Variants in PUDP observed in about 807,000 individuals in gnomAD.
The protein encoded by PUDP is pseudouridine 5'-phosphatase, also known as pseudouridine-5'-phosphatase.
PUDP carries 8 observed loss-of-function variants against 9.4 expected under a neutral mutation model. That is an observed-to-expected ratio of 0.85 (90% CI 0.50 to 1.53). PUDP has a LOEUF of 1.53. PUDP is among the 40% of genes most tolerant of loss of function. The pLI, the probability that PUDP is intolerant of heterozygous loss-of-function variation, is 0.00. For missense variants in PUDP, 188 were observed against 189.7 expected (o/e 0.99, Z 0.05); for synonymous variants, 99 against 80.7 (o/e 1.23, Z -1.22).
chrX:6,801,444 G>A (rs944637587), intron 3 of PUDP, among the ~76,000 whole-genome samples: 2 of 112,428 alleles, frequency 1.8e-5, no homozygotes, highest in Non-Finnish European at 1.9e-5. Context: ...GAGCAAAGGA[G>A]TAGGGTTCGG....
intron 3 of PUDP, among the ~76,000 whole-genome samples, chrX:6,795,413 CA>C (rs1362341574): frequency 9.0e-6 from 1 of 111,220 alleles, no homozygotes; most frequent in Non-Finnish European, 1.9e-5. Context: ...TAGCAGTAGG[CA>C]GAGCAGCCGT....
intron 3 of PUDP, among the ~76,000 whole-genome samples, chrX:6,811,104 G>T (rs895022825): frequency 1.3e-4 from 15 of 111,612 alleles, no homozygotes; most frequent in Admixed American, 2.9e-4. Context: ...TAGTCAAAAA[G>T]TCAGGCTTCG....
intron 3 of PUDP, among the ~76,000 whole-genome samples, chrX:6,837,543 G>A (rs183441489): frequency 1.8e-5 from 2 of 112,702 alleles, no homozygotes; most frequent in East Asian, 5.6e-4. Flanking sequence ...ATCCTGGAAG[G>A]GAGTTAGAAT....
chrX:7,110,740 GGTT>G (rs1312318694), intron 1 of PUDP, among the ~76,000 whole-genome samples: 2 of 99,443 alleles, frequency 2.0e-5, no homozygotes, highest in East Asian at 3.2e-4. Flanking sequence ...AGTTAAAGGG[GGTT>G]GTTCTCTTGC....
chrX:6,782,147 G>T lies in PUDP; in HGVS notation c.*248-75681C>A, dbSNP rs187634980. Among the ~76,000 whole-genome samples the T allele has an allele frequency of 6.3e-5, 7 of 111,889 alleles. No individual in the cohort carries two copies. The East Asian group carries it at 2.0e-3, about 31-fold the overall frequency. On this transcript the variant is annotated intron_variant and NMD_transcript_variant, in intron 3 of 3. Transcript: ENST00000655425. The stretch of plus-strand genomic sequence containing the variant: ...GACATAACTCCTGGAAACACGGATA[G>T]TATTGGGTGCTCCTGGGTTCATGCC...
chrX:6,964,051 A>T (rs986136522), intron 3 of PUDP, among the ~76,000 whole-genome samples: 1 of 112,203 alleles, frequency 8.9e-6, no homozygotes, highest in Non-Finnish European at 1.9e-5. Flanking sequence ...TTTTTCTAGA[A>T]GCATTCTAGG....
intron 1 of PUDP, among the ~76,000 whole-genome samples, chrX:6,994,679 T>A (rs1436376936): frequency 8.9e-6 from 1 of 111,807 alleles, no homozygotes; most frequent in Non-Finnish European, 1.9e-5. Flanking sequence ...CTTTCAGACA[T>A]AGTGAGATGT....
At chrX:6,927,934 C>T (rs1257631509) in intron 3 of PUDP, among the ~76,000 whole-genome samples, 1 of 104,388 alleles carries the variant, frequency 9.6e-6, no homozygotes, top group African/African-American at 3.4e-5. Context: ...AGACACTCAT[C>T]ATTCTTGGAA....
chrX:6,901,867 T>C, intron 3 of PUDP, among the ~76,000 whole-genome samples: 1 of 112,048 alleles, frequency 8.9e-6, no homozygotes, highest in Non-Finnish European at 1.9e-5. Flanking sequence ...TGAGAAATAC[T>C]CTTTTTTTGT....
chrX:6,765,167 C>G (rs775605346), intron 3 of PUDP, among the ~76,000 whole-genome samples: 1 of 110,395 alleles, frequency 9.1e-6, no homozygotes, highest in Admixed American at 9.7e-5. Flanking sequence ...GTAGTCCCAG[C>G]TACTTGGGAG....
chrX:7,069,256 C>A (rs939939061), intron 3 of PUDP, among the ~76,000 whole-genome samples: 1 of 111,164 alleles, frequency 9.0e-6, no homozygotes, highest in Non-Finnish European at 1.9e-5. Context: ...AAATGCCCCC[C>A]GAGGCGAGGT....
intron 1 of PUDP, among the ~76,000 whole-genome samples, chrX:7,033,269 T>C (rs913324070): frequency 1.5e-4 from 17 of 111,685 alleles, no homozygotes; most frequent in African/African-American, 5.5e-4. Context: ...AGCTTGCAGA[T>C]GGCCTATTGT....
intron 3 of PUDP, among the ~76,000 whole-genome samples, chrX:6,845,166 T>A (rs1021459103): frequency 1.8e-5 from 2 of 112,007 alleles, no homozygotes; most frequent in African/African-American, 6.5e-5. Context: ...ACACTTACAA[T>A]GAACCATTAC....
intron 3 of PUDP, among the ~76,000 whole-genome samples, chrX:6,973,668 G>T (rs191119287): frequency 8.9e-6 from 1 of 111,914 alleles, no homozygotes; most frequent in Admixed American, 9.5e-5. Flanking sequence ...GTGTTGAGAA[G>T]AATGTATATT....
chrX:6,897,929 A>C (rs2146749782), intron 3 of PUDP, among the ~76,000 whole-genome samples: 1 of 112,125 alleles, frequency 8.9e-6, no homozygotes, highest in South Asian at 3.7e-4. Flanking sequence ...AAAAGGGATT[A>C]TATTTGCACC....
At chrX:6,906,491 T>G (rs1366980908) in intron 3 of PUDP, among the ~76,000 whole-genome samples, 5 of 112,347 alleles carry the variant, frequency 4.5e-5, no homozygotes, top group African/African-American at 1.6e-4. Context: ...ATGTGCTCTG[T>G]GCAGAGGCCT....
intron 3 of PUDP, among the ~76,000 whole-genome samples, chrX:6,860,788 ACT>A (rs747821358): frequency 8.9e-6 from 1 of 112,174 alleles, no homozygotes; most frequent in East Asian, 2.8e-4. Context: ...TGTTCTTAAC[ACT>A]CTCATGTTCT....
At chrX:6,979,658 G>C (rs1346691232) in intron 1 of PUDP, among the ~76,000 whole-genome samples, 1 of 111,677 alleles carries the variant, frequency 9.0e-6, no homozygotes, top group African/African-American at 3.3e-5. Flanking sequence ...TTGATGCTAG[G>C]TCCCTGCAGA....
At chrX:6,910,305 T>C (rs541121693) in intron 3 of PUDP, among the ~76,000 whole-genome samples, 2 of 112,153 alleles carry the variant, frequency 1.8e-5, no homozygotes, top group African/African-American at 6.5e-5. Context: ...ATCTTTTTCA[T>C]TCAGCAGATT....
Sources: gnomAD v4.1 joint callset for allele counts (sites outside exome capture counted in the v4.1 genomes callset) on GRCh38, gnomAD v4.1.1 for gene constraint, MANE v1.5 for transcripts, NCBI Gene and HGNC (gene_info 2026-07-23, HGNC 2026-07-21) for gene names.